The following SGCZ variants were observed in gnomAD, a reference collection of about 807,000 sequenced individuals.
SGCZ encodes sarcoglycan zeta, also known as zeta-sarcoglycan.
SGCZ carries 40 observed loss-of-function variants against 41.3 expected under a neutral mutation model. The observed-to-expected ratio is 0.97, with a 90% CI of 0.75 to 1.26. SGCZ has a LOEUF of 1.26. Among genes scored for constraint, SGCZ ranks in the 50% most tolerant of loss-of-function variants. SGCZ has a pLI of 0.00. For synonymous variants in SGCZ, 206 were observed against 137.5 expected (o/e 1.50, Z -3.49); for missense variants, 552 against 369.8 (o/e 1.49, Z -4.04).
At chr8:14,666,716 T>C (rs968443323) in intron 1 of SGCZ, among the ~76,000 whole-genome samples, 1 of 150,698 alleles carries the variant, frequency 6.6e-6, no homozygotes, top group Non-Finnish European at 1.5e-5. Flanking sequence ...TGAATTACAG[T>C]GTAAGTTTCT....
intron 1 of SGCZ, among the ~76,000 whole-genome samples, chr8:14,935,601 A>C (rs1563374885): frequency 2.0e-5 from 3 of 151,920 alleles, no homozygotes; most frequent in African/African-American, 7.2e-5. Flanking sequence ...TAAAACTTAG[A>C]TATTTATTAA....
intron 1 of SGCZ, among the ~76,000 whole-genome samples, chr8:14,792,395 G>T (rs1171131779): frequency 1.3e-5 from 2 of 152,192 alleles, no homozygotes; most frequent in East Asian, 1.9e-4. Context: ...AGAACTGGGT[G>T]TATTAAGTCT....
chr8:15,211,700 G>A (rs1053414931), intron 1 of SGCZ, among the ~76,000 whole-genome samples: 1 of 152,052 alleles, frequency 6.6e-6, no homozygotes, highest in Admixed American at 6.6e-5. Flanking sequence ...CTATGAATGG[G>A]ACTGGTTCTA....
At chr8:14,553,719 T>A (rs1803944197) in intron 2 of SGCZ, among the ~76,000 whole-genome samples, 1 of 151,908 alleles carries the variant, frequency 6.6e-6, no homozygotes, top group Non-Finnish European at 1.5e-5. Context: ...GAATTAAGAG[T>A]TAGTGAAGTC....
intron 2 of SGCZ, among the ~76,000 whole-genome samples, chr8:14,546,814 A>G (rs1803642963): frequency 6.6e-6 from 1 of 152,168 alleles, no homozygotes; most frequent in African/African-American, 2.4e-5. Context: ...TTAAATTTAA[A>G]TTTAGTAGCA....
chr8:14,200,121 C>T (rs1165893759), intron 4 of SGCZ, among the ~76,000 whole-genome samples: 1 of 152,104 alleles, frequency 6.6e-6, no homozygotes, highest in African/African-American at 2.4e-5. Context: ...GGATAATGGG[C>T]ACTACCATAA....
chr8:15,091,302 G>A (rs1806147194), intron 1 of SGCZ, among the ~76,000 whole-genome samples: 1 of 152,140 alleles, frequency 6.6e-6, no homozygotes, highest in Admixed American at 6.5e-5. Flanking sequence ...CTAATAGTGT[G>A]TGTTACCACA....
At chr8:14,841,689 T>C (rs1266567339) in intron 1 of SGCZ, among the ~76,000 whole-genome samples, 4 of 152,214 alleles carry the variant, frequency 2.6e-5, no homozygotes, top group Non-Finnish European at 5.9e-5. Flanking sequence ...AAGCCCATAC[T>C]AAATGGAATT....
intron 1 of SGCZ, among the ~76,000 whole-genome samples, chr8:14,938,652 A>G (rs1468173228): frequency 6.6e-6 from 1 of 152,222 alleles, no homozygotes; most frequent in African/African-American, 2.4e-5. Context: ...TTCTATGTCC[A>G]TGGAATACTA....
chr8:14,364,444 G>C (rs929086359), intron 2 of SGCZ, among the ~76,000 whole-genome samples: 1 of 152,068 alleles, frequency 6.6e-6, no homozygotes, highest in Non-Finnish European at 1.5e-5. Flanking sequence ...TGATCTGCAA[G>C]ACAGCACTGC....
intron 1 of SGCZ, among the ~76,000 whole-genome samples, chr8:14,623,292 G>C (rs971723440): frequency 6.6e-6 from 1 of 152,128 alleles, no homozygotes; most frequent in African/African-American, 2.4e-5. Context: ...TAACACATTA[G>C]TTTGCACCAA....
At chr8:14,543,223 T>G (rs568774186) in intron 2 of SGCZ, among the ~76,000 whole-genome samples, 2 of 152,204 alleles carry the variant, frequency 1.3e-5, no homozygotes, top group Admixed American at 1.3e-4. Flanking sequence ...CTCCTAATAC[T>G]GTACTAGTGT....
At chr8:14,284,521 T>G (rs966462492) in intron 3 of SGCZ, among the ~76,000 whole-genome samples, 2 of 152,216 alleles carry the variant, frequency 1.3e-5, no homozygotes, top group Non-Finnish European at 2.9e-5. Context: ...GATTTAAACT[T>G]TTTATTCCGT....
chr8:14,818,801 C>A (rs990448549), intron 1 of SGCZ, among the ~76,000 whole-genome samples: 2 of 151,844 alleles, frequency 1.3e-5, no homozygotes, highest in Admixed American at 6.6e-5. Context: ...CTGAGAGCTT[C>A]AAGAACAGAT....
intron 2 of SGCZ, among the ~76,000 whole-genome samples, chr8:14,432,031 T>C (rs1305035785): frequency 6.6e-6 from 1 of 152,008 alleles, no homozygotes; most frequent in Non-Finnish European, 1.5e-5. Context: ...AAAAAAATAA[T>C]AGATGCTGGT....
At chr8:14,542,646 G>T (rs1393951451) in intron 2 of SGCZ, among the ~76,000 whole-genome samples, 1 of 152,006 alleles carries the variant, frequency 6.6e-6, no homozygotes, top group Non-Finnish European at 1.5e-5. Context: ...AACCAAATTG[G>T]TGTTCCTGGC....
In SGCZ at chr8:14,102,515, AAAATCATTAATAGGAAAAAAAAACAC is replaced by A. The variant is rs757400319; in HGVS notation, c.621-42_621-17del. The A allele has an allele frequency of 7.2e-7, 1 of 1,387,338 alleles. No individual in the cohort carries two copies. The highest frequency in any genetic ancestry group is 9.5e-7 in the Non-Finnish European group (1 of 1,056,874). 85.9% of individuals were successfully genotyped at this position (1,387,338 alleles called of 1,614,324 possible). On this transcript the variant is annotated splice_polypyrimidine_tract_variant and intron_variant, in intron 6 of 7. Coordinates refer to ENST00000382080, the MANE Select transcript of SGCZ (RefSeq NM_139167.4). The stretch of plus-strand genomic sequence containing the variant: ...TGATTCAAGCCTAAGGGAAAAACAA[AAAATCATTAATAGGAAAAAAAAACAC>A]AAAAAAATCATTAATAGAAAAAAGA...
At chr8:14,907,410 A>C (rs1011887999) in intron 1 of SGCZ, among the ~76,000 whole-genome samples, 15 of 151,932 alleles carry the variant, frequency 9.9e-5, no homozygotes, top group African/African-American at 3.4e-4. Context: ...TTAGTCTCCA[A>C]CTCCTGGGCT....
intron 2 of SGCZ, among the ~76,000 whole-genome samples, chr8:14,456,890 C>G (rs980857448): frequency 1.3e-5 from 2 of 152,100 alleles, no homozygotes; most frequent in Non-Finnish European, 2.9e-5. Flanking sequence ...GGTACCTCCC[C>G]TCCAACCACA....
Sources: allele counts gnomAD v4.1 joint callset (sites outside exome capture counted in the v4.1 genomes callset), GRCh38; gene constraint gnomAD v4.1.1; transcripts MANE v1.5; gene names NCBI Gene and HGNC (gene_info 2026-07-23, HGNC 2026-07-21).